STT3B: variants seen among roughly 807,000 people sequenced by gnomAD.
STT3B encodes STT3 oligosaccharyltransferase complex catalytic subunit B, also known as dolichyl-diphosphooligosaccharide--protein glycosyltransferase subunit STT3B.
In STT3B, 29 loss-of-function variants were observed where a neutral mutation model predicts 96.8. That is an observed-to-expected ratio of 0.30 (90% CI 0.22 to 0.41). STT3B has a LOEUF of 0.41. Among genes scored for constraint, STT3B ranks in the 10% least tolerant of loss-of-function variants. The pLI is 1.00. For missense variants in STT3B, 640 were observed against 1,022.3 expected, an observed-to-expected ratio of 0.63 and a Z score of 5.10; for synonymous variants, 367 against 360.0, an observed-to-expected ratio of 1.02 and a Z score of -0.22.
At chr3:31,584,303 T>C (rs1026402092) in intron 3 of STT3B, among the ~76,000 whole-genome samples, 8 of 152,246 alleles carry the variant, frequency 5.3e-5, no homozygotes, top group Non-Finnish European at 1.0e-4. Context: ...TTTATGCCAC[T>C]ACCGCACAGT....
intron 1 of STT3B, among the ~76,000 whole-genome samples, chr3:31,558,002 C>T (rs1162309076): frequency 6.6e-6 from 1 of 152,202 alleles, no homozygotes; most frequent in African/African-American, 2.4e-5. Context: ...AAAAATGAAT[C>T]AGTACATGAT....
chr3:31,625,173 G>A, intron 12 of STT3B, 88 bp downstream of exon 12: 2 of 1,177,254 alleles, frequency 1.7e-6, no homozygotes, highest in Non-Finnish European at 2.4e-6. Flanking sequence ...GAAAAATGTG[G>A]GTGAAAAGTA....
chr3:31,545,352 GT>G (rs1298971148), intron 1 of STT3B, among the ~76,000 whole-genome samples: 3 of 152,036 alleles, frequency 2.0e-5, no homozygotes, highest in African/African-American at 7.2e-5. Flanking sequence ...TATATGAAAG[GT>G]TTTCCTTTTG....
chr3:31,578,329 TG>T (rs1325603829), intron 2 of STT3B, among the ~76,000 whole-genome samples: 2 of 152,150 alleles, frequency 1.3e-5, no homozygotes, highest in Non-Finnish European at 2.9e-5. Context: ...TGGGCTCCCA[TG>T]ACATCAGCAC....
At position 31,533,044 on chromosome 3, in the gene STT3B, A is replaced by G; in HGVS notation, c.46A>G (p.Asn16Asp). 6.3e-7 allele frequency: 1 copy of G among 1,586,584 alleles called. No homozygotes were observed. Among genetic ancestry groups the G allele is most frequent in the Non-Finnish European group, 8.6e-7 (1 of 1,168,120 alleles). ...APESKHKSSLNSSPWSGLMAL... is the reference protein window; with the variant it reads ...APESKHKSSLDSSPWSGLMAL... Reference sequence around the variant, plus strand: ...GGAGAGCAAGCACAAGTCGTCCCTCAACTCGTCCCCGTGGAGTGGCCTCAT... The same window carrying G: ...GGAGAGCAAGCACAAGTCGTCCCTCGACTCGTCCCCGTGGAGTGGCCTCAT... Residue 16 changes from asparagine (N) to aspartate (D), a missense_variant, in exon 1 of 16, where the codon AAC (asparagine) becomes GAC (aspartate). By Grantham distance (23) the Asn-to-Asp change is conservative (BLOSUM62 1). Transcript: ENST00000295770.
At chr3:31,573,894 A>G (rs1283367093) in intron 1 of STT3B, among the ~76,000 whole-genome samples, 1 of 152,150 alleles carries the variant, frequency 6.6e-6, no homozygotes, top group Non-Finnish European at 1.5e-5. Flanking sequence ...TACAGAAAAC[A>G]GAGAAGATTA....
chr3:31,600,025 G>T (rs988115449), intron 4 of STT3B, among the ~76,000 whole-genome samples: 87 of 152,078 alleles, frequency 5.7e-4, no homozygotes, highest in African/African-American at 1.8e-3. Flanking sequence ...CAAAATTTAT[G>T]ATCTATATCC....
At chr3:31,545,103 G>T (rs898400292) in intron 1 of STT3B, among the ~76,000 whole-genome samples, 4 of 152,144 alleles carry the variant, frequency 2.6e-5, no homozygotes, top group Middle Eastern at 3.2e-3. Context: ...GAAGGAACAG[G>T]ATAATGAAAC....
chr3:31,594,845 T>TA (rs1363032442), intron 3 of STT3B, among the ~76,000 whole-genome samples: 1 of 152,152 alleles, frequency 6.6e-6, no homozygotes, highest in Non-Finnish European at 1.5e-5. Context: ...GATGAAGAGA[T>TA]ACGTAGGACA....
At chr3:31,560,393 C>T (rs565976508) in intron 1 of STT3B, among the ~76,000 whole-genome samples, 7 of 151,956 alleles carry the variant, frequency 4.6e-5, no homozygotes, top group Admixed American at 1.3e-4. Context: ...TAGATATTGT[C>T]CTTTCACTTC....
intron 10 of STT3B, 63 bp from the exon 11 acceptor site, chr3:31,623,611 G>T: frequency 7.8e-7 from 1 of 1,277,176 alleles, no homozygotes; most frequent in Non-Finnish European, 1.1e-6. Context: ...TTTTTCCATT[G>T]AGTATCTTAA....
Position 31,596,879 on chromosome 3 carries a change from T to C in STT3B, c.777+16T>C. On this transcript the variant is annotated intron_variant, in intron 4 of 15. Transcript: ENST00000295770. ...TTTCTATATGGTAAGATTTCATATT[T>C]GAGACTACATGAAGTCTAGTAGGTC... is the stretch of plus-strand genomic sequence containing the variant. 1.9e-6 allele frequency: 3 copies of C among 1,588,022 alleles called. No homozygotes were observed. Among genetic ancestry groups the C allele is most frequent in the Non-Finnish European group, 2.6e-6 (3 of 1,157,678 alleles).
Position 31,557,806 on chromosome 3 carries a change from A to T in STT3B, c.315-18590A>T, listed in dbSNP as rs10865834. ...CGCCACCATGCCTGGCTAATTTTTC[A>T]CATTTTTAGTAGAGACAGGGTTTCA... On this transcript the variant is annotated intron_variant, in intron 1 of 15. Coordinates refer to ENST00000295770, the MANE Select transcript of STT3B (RefSeq NM_178862.3). Among the ~76,000 whole-genome samples, 5 of 151,884 alleles carry T rather than the reference A, an allele frequency of 3.3e-5. No homozygotes were observed. In the East Asian group the frequency reaches 9.7e-4, roughly 29 times the overall value.
chr3:31,570,878 C>T (rs181272859), intron 1 of STT3B, among the ~76,000 whole-genome samples: 1 of 152,094 alleles, frequency 6.6e-6, no homozygotes, highest in East Asian at 1.9e-4. Flanking sequence ...GAAGGCAGAC[C>T]AGGGTGACCA....
intron 5 of STT3B, among the ~76,000 whole-genome samples, chr3:31,611,444 G>A (rs372262511): frequency 6.6e-6 from 1 of 152,150 alleles, no homozygotes; most frequent in South Asian, 2.1e-4. Flanking sequence ...TATATTAGAT[G>A]CTGTAGTACA....
intron 1 of STT3B, among the ~76,000 whole-genome samples, chr3:31,556,651 C>T (rs897952151): frequency 1.4e-4 from 22 of 152,032 alleles, no homozygotes; most frequent in African/African-American, 4.3e-4. Flanking sequence ...TGATTAGTGA[C>T]GTTGAACATT....
intron 5 of STT3B, 40 bp downstream of exon 5, chr3:31,600,499 G>A (rs1181693083): frequency 1.1e-6 from 1 of 906,220 alleles, no homozygotes; most frequent in African/African-American, 1.6e-5. Context: ...ACTAAGAGAT[G>A]TTTTGTATTC....
chr3:31,559,159 G>C, intron 1 of STT3B, among the ~76,000 whole-genome samples: 1 of 139,030 alleles, frequency 7.2e-6, no homozygotes. Context: ...GTGTGTGTGT[G>C]TGTGTGTGTG....
At chr3:31,633,289 G>T (rs1228537814) in intron 15 of STT3B, 142 bp downstream of exon 15, 1 of 735,214 alleles carries the variant, frequency 1.4e-6, no homozygotes, top group African/African-American at 1.8e-5. Flanking sequence ...GTAAATATCA[G>T]CCTAGCCTGC....
Sources: gnomAD v4.1 joint callset for allele counts (sites outside exome capture counted in the v4.1 genomes callset) on GRCh38, gnomAD v4.1.1 for gene constraint, MANE v1.5 for transcripts, NCBI Gene and HGNC (gene_info 2026-07-23, HGNC 2026-07-21) for gene names.